The following CTNNA2 variants were observed in gnomAD, a reference collection of about 807,000 sequenced individuals.
CTNNA2 encodes catenin alpha 2.
A neutral mutation model predicts 101.0 loss-of-function variants in CTNNA2; 42 were observed. The ratio of observed to expected loss-of-function variants is 0.42; its 90% CI spans 0.32 to 0.54. The LOEUF (loss-of-function observed/expected upper bound fraction) is 0.54. Ranked by LOEUF, CTNNA2 falls within the 20% of genes least tolerant of loss-of-function variation. CTNNA2 has a pLI of 0.14. For missense variants in CTNNA2, 871 were observed against 1,223.1 expected (o/e 0.71, Z 4.29); for synonymous variants, 450 against 456.4 (o/e 0.99, Z 0.18).
chr2:80,141,013 G>C (rs2148909729), intron 7 of CTNNA2, among the ~76,000 whole-genome samples: 1 of 152,210 alleles, frequency 6.6e-6, no homozygotes, highest in Non-Finnish European at 1.5e-5. Flanking sequence ...GAAACTGCCA[G>C]TCTGGGCTCC....
At chr2:80,145,038 G>C (rs1703249296) in intron 7 of CTNNA2, among the ~76,000 whole-genome samples, 1 of 152,146 alleles carries the variant, frequency 6.6e-6, no homozygotes, top group Non-Finnish European at 1.5e-5. Flanking sequence ...CCTTGGTTGA[G>C]AACCACTGCT....
intron 7 of CTNNA2, among the ~76,000 whole-genome samples, chr2:80,230,115 C>T (rs1709109657): frequency 6.6e-6 from 1 of 152,080 alleles, no homozygotes; most frequent in Admixed American, 6.6e-5. Context: ...TAGGCTGTAC[C>T]ATCTAGGTTT....
At chr2:79,690,970 G>C (rs986859408) in intron 2 of CTNNA2, among the ~76,000 whole-genome samples, 1 of 151,954 alleles carries the variant, frequency 6.6e-6, no homozygotes, top group African/African-American at 2.4e-5. Flanking sequence ...GATATCATAT[G>C]TAATAAGAAA....
intron 1 of CTNNA2, 130 bp from the exon 2 acceptor site, chr2:79,651,422 G>T (rs1681240993): frequency 2.5e-6 from 2 of 792,608 alleles, no homozygotes; most frequent in Admixed American, 2.4e-5. Context: ...TCTCTAATTT[G>T]ACCAGGTTGG....
At position 79,185,920 on chromosome 2, in the gene CTNNA2, C is replaced by A. The variant is rs1282234138; in HGVS notation, c.-524+489C>A. Among the ~76,000 whole-genome samples, 5 of 152,092 alleles carry A rather than the reference C, an allele frequency of 3.3e-5. No homozygotes were observed. The South Asian group carries it at 1.0e-3, about 32-fold the overall frequency. Reference sequence around the variant, plus strand: ...AGAAGTATGTGTATAAATCAACAGGCTATTGTCAGATATATGTTTTTTAAG... The same window carrying A: ...AGAAGTATGTGTATAAATCAACAGGATATTGTCAGATATATGTTTTTTAAG... On this transcript the variant is annotated intron_variant, in intron 1 of 21. Transcript: ENST00000466387.
At chr2:79,937,708 A>T (rs777694264) in intron 7 of CTNNA2, among the ~76,000 whole-genome samples, 1 of 152,246 alleles carries the variant, frequency 6.6e-6, no homozygotes, top group African/African-American at 2.4e-5. Context: ...AAAAAGGAAG[A>T]TTAGAACAGG....
intron 7 of CTNNA2, among the ~76,000 whole-genome samples, chr2:80,248,475 G>A (rs551415994): frequency 2.0e-5 from 3 of 152,108 alleles, no homozygotes; most frequent in African/African-American, 7.2e-5. Flanking sequence ...GGGTTTGCAG[G>A]GTCTTCTTTT....
At chr2:79,957,786 T>G (rs765411384) in intron 7 of CTNNA2, among the ~76,000 whole-genome samples, 1 of 152,226 alleles carries the variant, frequency 6.6e-6, no homozygotes, top group Non-Finnish European at 1.5e-5. Context: ...ATATGAAGGC[T>G]TTTTAAGAAT....
intron 4 of CTNNA2, among the ~76,000 whole-genome samples, chr2:79,464,298 G>A (rs909914880): frequency 3.3e-5 from 5 of 152,036 alleles, no homozygotes; most frequent in African/African-American, 1.2e-4. Context: ...CCATCTCCCC[G>A]CAAAGGACAT....
intron 15 of CTNNA2, among the ~76,000 whole-genome samples, chr2:80,599,761 A>G (rs1697306935): frequency 6.6e-6 from 1 of 152,058 alleles, no homozygotes; most frequent in African/African-American, 2.4e-5. Context: ...GCATTTTAGT[A>G]GTTCAAAATT....
chr2:80,302,949 G>C lies in CTNNA2; in HGVS notation c.1057-90262G>C. On this transcript the variant is annotated intron_variant, in intron 7 of 18. Transcript: ENST00000402739. The surrounding 1 kb of genome is among the most constrained non-coding windows in gnomAD (Gnocchi z 6.4). ...ATCCGGGGCTCGATGTAGGTGAGGC[G>C]GTTGGAGTCCAGCTGCAGGGACTGC... 7 of 1,613,992 alleles carry C rather than the reference G, an allele frequency of 4.3e-6. No individual in the cohort carries two copies. Among genetic ancestry groups the C allele is most frequent in the Non-Finnish European group, 5.9e-6 (7 of 1,180,016 alleles).
At chr2:80,579,378 G>A (rs531818179) in intron 13 of CTNNA2, 33 of 152,148 alleles carry the variant, frequency 2.2e-4, no homozygotes, top group Middle Eastern at 3.4e-3. Context: ...GAGATTTTTC[G>A]ATTTACTTTT....
intron 7 of CTNNA2, among the ~76,000 whole-genome samples, chr2:80,233,332 C>T (rs914929695): frequency 6.6e-6 from 1 of 151,982 alleles, no homozygotes; most frequent in South Asian, 2.1e-4. Context: ...AGAGCAGATG[C>T]CCCCTGGAAG....
At chr2:79,410,156 C>A (rs565439072) in intron 4 of CTNNA2, among the ~76,000 whole-genome samples, 31 of 146,922 alleles carry the variant, frequency 2.1e-4, no homozygotes, top group Non-Finnish European at 4.0e-4. Context: ...GATTTTGTAT[C>A]CTGAGACTTT....
chr2:79,431,266 T>G (rs564935557), intron 4 of CTNNA2, among the ~76,000 whole-genome samples: 1 of 152,290 alleles, frequency 6.6e-6, no homozygotes, highest in Non-Finnish European at 1.5e-5. Context: ...GTTATTCTCT[T>G]ATTTGATATT....
intron 3 of CTNNA2, among the ~76,000 whole-genome samples, chr2:79,829,622 C>T (rs1475649648): frequency 6.6e-6 from 1 of 151,940 alleles, no homozygotes; most frequent in African/African-American, 2.4e-5. Context: ...GTCTTTTATT[C>T]ACCTGCTTAC....
intron 4 of CTNNA2, among the ~76,000 whole-genome samples, chr2:79,401,154 A>G (rs749117188): frequency 3.3e-5 from 5 of 151,666 alleles, no homozygotes; most frequent in Non-Finnish European, 7.4e-5. Context: ...AGAAAAATGA[A>G]TACTCCGGGG....
intron 3 of CTNNA2, among the ~76,000 whole-genome samples, chr2:79,767,779 A>G (rs1440649038): frequency 6.6e-6 from 1 of 151,722 alleles, no homozygotes; most frequent in African/African-American, 2.4e-5. Flanking sequence ...TTGGTGCCCT[A>G]TCCTGCTGTG....
At chr2:79,468,280 GA>G (rs1256394735) in intron 4 of CTNNA2, among the ~76,000 whole-genome samples, 6 of 152,142 alleles carry the variant, frequency 3.9e-5, no homozygotes, top group African/African-American at 1.2e-4. Flanking sequence ...AAGAGACAAA[GA>G]AGGCCATTAC....
Sources: allele counts gnomAD v4.1 joint callset (sites outside exome capture counted in the v4.1 genomes callset), GRCh38; gene constraint gnomAD v4.1.1; non-coding constraint Gnocchi (gnomAD v3.1); transcripts MANE v1.5; gene names NCBI Gene and HGNC (gene_info 2026-07-23, HGNC 2026-07-21).